Variants in FGF2 observed in about 807,000 individuals in gnomAD.
FGF2 encodes fibroblast growth factor 2, also known as basic fibroblast growth factor bFGF.
In FGF2, 13 loss-of-function variants were observed where a neutral mutation model predicts 15.9. The ratio of observed to expected loss-of-function variants is 0.82; its 90% CI spans 0.53 to 1.30. The LOEUF (loss-of-function observed/expected upper bound fraction) is 1.30. Ranked by LOEUF, FGF2 falls within the 50% of genes most tolerant of loss-of-function variation. The probability of loss-of-function intolerance (pLI) is 0.00; values close to 1 mark genes in which losing one functional copy is unlikely to be tolerated. For missense variants in FGF2, 163 were observed against 196.9 expected, an observed-to-expected ratio of 0.83 and a Z score of 1.03; for synonymous variants, 90 against 78.4, an observed-to-expected ratio of 1.15 and a Z score of -0.78.
chr4:122,887,200 G>C (rs944737696), intron 2 of FGF2, among the ~76,000 whole-genome samples: 3 of 152,122 alleles, frequency 2.0e-5, no homozygotes, highest in Admixed American at 6.5e-5. Context: ...TGTAATCCCA[G>C]CTACTCAGGA....
intron 1 of FGF2, among the ~76,000 whole-genome samples, chr4:122,836,853 G>A (rs1311479375): frequency 6.6e-6 from 1 of 152,158 alleles, no homozygotes; most frequent in Non-Finnish European, 1.5e-5. Flanking sequence ...TCATTTGTTG[G>A]ATCACTTTTT....
chr4:122,844,586 T>TCTTTCTTTCTTTCTTTCTTC (rs1419377686), intron 1 of FGF2, among the ~76,000 whole-genome samples: 3 of 133,782 alleles, frequency 2.2e-5, no homozygotes, highest in African/African-American at 9.9e-5. Flanking sequence ...TTTCTTTCTT[T>TCTTTCTTTCTTTCTTTCTTC]CTTCCTTCCT....
In FGF2 at chr4:122,826,883, A is replaced by C; in HGVS notation, c.-292A>C. 2.0e-6 allele frequency: 3 copies of C among 1,526,300 alleles called. No individual in the cohort carries two copies. The highest frequency in any genetic ancestry group is 2.2e-4 in the Middle Eastern group (1 of 4,586). The allele number at this position is 1,526,300 out of a possible 1,614,324, so 94.5% of individuals were successfully genotyped here. A position where few individuals can be genotyped will look rare whatever the true frequency, so the allele number is the denominator to read the frequency against. The stretch of plus-strand genomic sequence containing the variant: ...GTTGCAACGGGATCCCGGGCGCTGC[A>C]GCTTGGGAGGCGGCTCTCCCCAGGC... On this transcript the variant is annotated 5_prime_UTR_variant, in exon 1 of 3. Transcript: ENST00000644866.
chr4:122,897,615 G>C lies in FGF2; in HGVS notation c.*5219G>C. The C allele has an allele frequency of 2.5e-6, 4 of 1,582,866 alleles. No individual in the cohort carries two copies. Among genetic ancestry groups the C allele is most frequent in the Non-Finnish European group, 3.5e-6 (4 of 1,151,924 alleles). Reference sequence around the variant, plus strand: ...TTTTAAGCCAATTAAAAATATAAAAGATACACACCAATATCTTCTTCAGGC... The same window carrying C: ...TTTTAAGCCAATTAAAAATATAAAACATACACACCAATATCTTCTTCAGGC... On this transcript the variant is annotated 3_prime_UTR_variant, in exon 3 of 3. Coordinates refer to ENST00000644866, the MANE Select transcript of FGF2 (RefSeq NM_001361665.2).
rs1170369068 is a variant in FGF2, at chr4:122,896,691, T to G, written c.*4295T>G. On this transcript the variant is annotated 3_prime_UTR_variant, in exon 3 of 3. Transcript: ENST00000644866. ...TGCAATCCATTTTCTGATGGATTGT[T>G]ACGAGTTGGCTATATAATGTATGTA... The G allele has an allele frequency of 2.6e-5, 4 of 152,216 alleles. No homozygotes were observed. The highest frequency in any genetic ancestry group is 4.4e-5 in the Non-Finnish European group (3 of 68,016). The allele number at this position is 152,216 out of a possible 1,614,324, so 9.4% of individuals were successfully genotyped here.
chr4:122,827,205 G>T lies in FGF2; in HGVS notation c.31G>T (p.Ala11Ser), dbSNP rs769276509. Reference protein sequence around the residue: MAAGSITTLPALPEDGGSGAF... With the variant: MAAGSITTLPSLPEDGGSGAF... ...AGCCGGGAGCATCACCACGCTGCCCGCCTTGCCCGAGGATGGCGGCAGCGG... is the reference window on the plus strand; with the variant it reads ...AGCCGGGAGCATCACCACGCTGCCCTCCTTGCCCGAGGATGGCGGCAGCGG... Residue 11 changes from alanine (A) to serine (S), a missense_variant, in exon 1 of 3, where the codon GCC (alanine) becomes TCC (serine). Physicochemically the swap from Ala to Ser is moderately conservative, Grantham distance 99. Transcript: ENST00000644866. The surrounding 1 kb of genome is among the most constrained non-coding windows in gnomAD (Gnocchi z 4.2). The T allele has an allele frequency of 2.2e-5, 35 of 1,607,378 alleles. No individual in the cohort carries two copies. Among genetic ancestry groups the T allele is most frequent in the Non-Finnish European group, 3.0e-5 (35 of 1,178,114 alleles).
At chr4:122,831,252 G>A (rs1035003169) in intron 1 of FGF2, among the ~76,000 whole-genome samples, 7 of 152,064 alleles carry the variant, frequency 4.6e-5, no homozygotes, top group African/African-American at 7.2e-5. Context: ...GCCTCAGTGC[G>A]CTCTTCATTC....
intron 2 of FGF2, among the ~76,000 whole-genome samples, chr4:122,885,645 CATT>C (rs908927246): frequency 5.6e-4 from 86 of 152,272 alleles, no homozygotes; most frequent in Admixed American, 5.6e-3. Context: ...TAACATCCTA[CATT>C]AGTTTGGTGC....
In FGF2 at chr4:122,893,752, A is replaced by T. The variant is rs2150795225; in HGVS notation, c.*1356A>T. On this transcript the variant is annotated 3_prime_UTR_variant, in exon 3 of 3. Coordinates refer to ENST00000644866, the MANE Select transcript of FGF2 (RefSeq NM_001361665.2). ...TCAATTAAATGCAAATTTGTGTGGC[A>T]GGATTTTTATTGCCATTAACATATT... is the stretch of plus-strand genomic sequence containing the variant. The T allele has an allele frequency of 6.6e-6, 1 of 152,384 alleles. No homozygotes were observed. Among genetic ancestry groups the T allele is most frequent in the African/African-American group, 2.4e-5 (1 of 41,600 alleles). The allele number at this position is 152,384 out of a possible 1,614,324, so 9.4% of individuals were successfully genotyped here.
chr4:122,846,612 G>T (rs1726117469), intron 1 of FGF2, among the ~76,000 whole-genome samples: 1 of 152,180 alleles, frequency 6.6e-6, no homozygotes, highest in Non-Finnish European at 1.5e-5. Context: ...GATCTGAAAA[G>T]GATGTATACC....
intron 2 of FGF2, among the ~76,000 whole-genome samples, chr4:122,890,495 A>C (rs1016210747): frequency 5.3e-5 from 8 of 152,252 alleles, no homozygotes; most frequent in African/African-American, 1.7e-4. Context: ...GTAAATATCC[A>C]GTAAAATTCT....
At chr4:122,826,786 T>TG (rs776164719), upstream of FGF2, 20 of 1,368,500 alleles carry the variant, frequency 1.5e-5, no homozygotes, top group South Asian at 3.3e-5. Flanking sequence ...CTGGTGGGTG[T>TG]GGGGGGTGGA....
In FGF2 at chr4:122,827,403, C is replaced by T. The variant is rs1725665838; in HGVS notation, c.178+51C>T. 1 of 1,588,640 alleles carries T rather than the reference C, an allele frequency of 6.3e-7. No individual in the cohort carries two copies. Among genetic ancestry groups the T allele is most frequent in the Admixed American group, 1.7e-5 (1 of 59,800 alleles). ...CTCATTTCCATTTCGTGGGTTCTCG[C>T]CCGCTCTCTCCCCTCCAGCCTGCAC... On this transcript the variant is annotated intron_variant, in intron 1 of 2. Coordinates refer to ENST00000644866, the MANE Select transcript of FGF2 (RefSeq NM_001361665.2). The surrounding 1 kb of genome is among the most constrained non-coding windows in gnomAD (Gnocchi z 4.2).
chr4:122,845,791 C>T (rs756459535), intron 1 of FGF2, among the ~76,000 whole-genome samples: 8 of 152,208 alleles, frequency 5.3e-5, no homozygotes, highest in Non-Finnish European at 1.2e-4. Context: ...ATCCAGACCA[C>T]TCAAACTTTC....
At chr4:122,855,004 C>T (rs184409443) in intron 1 of FGF2, among the ~76,000 whole-genome samples, 16 of 152,178 alleles carry the variant, frequency 1.1e-4, no homozygotes, top group Non-Finnish European at 1.6e-4. Context: ...ACACACATGC[C>T]GCTCTGTTTT....
intron 1 of FGF2, among the ~76,000 whole-genome samples, chr4:122,842,972 C>T (rs308430): frequency 0.31 from 47,340 of 152,028 alleles, 11,907 homozygotes; most frequent in African/African-American, 0.7. Flanking sequence ...GATTAATTTG[C>T]TATTTTTAAC....
chr4:122,836,303 G>A (rs1401706741), intron 1 of FGF2, among the ~76,000 whole-genome samples: 2 of 152,118 alleles, frequency 1.3e-5, no homozygotes, highest in African/African-American at 2.4e-5. Flanking sequence ...TTCCCTTCAC[G>A]TCTCCTGTCT....
At position 122,854,920 on chromosome 4, in the gene FGF2, A is replaced by G. The variant is rs150762762; in HGVS notation, c.179-21401A>G. Among the ~76,000 whole-genome samples, 653 of 152,176 alleles carry G rather than the reference A, an allele frequency of 4.3e-3. 6 individuals are homozygous for G. Among genetic ancestry groups the G allele is most frequent in the African/African-American group, 0.014 (597 of 41,494 alleles). On this transcript the variant is annotated intron_variant, in intron 1 of 2. Transcript: ENST00000644866. Reference sequence around the variant, plus strand: ...TGGGAGAGTGTATTAAATAACTGGAACACTCTGGGCAGCTTCCCTTCCCCA... The same window carrying G: ...TGGGAGAGTGTATTAAATAACTGGAGCACTCTGGGCAGCTTCCCTTCCCCA...
chr4:122,876,391 G>A lies in FGF2; in HGVS notation c.249G>A (p.Leu83=). ...SIKGVCANRY[L]AMKEDGRLLA... Reference sequence around the variant, plus strand: ...AAGGAGTGTGTGCTAACCGTTACCTGGCTATGAAGGAAGATGGAAGATTAC... The same window carrying A: ...AAGGAGTGTGTGCTAACCGTTACCTAGCTATGAAGGAAGATGGAAGATTAC... Residue 83 remains leucine (L), a synonymous_variant, in exon 2 of 3, where the codon CTG becomes CTA. Transcript: ENST00000644866. The A allele has an allele frequency of 6.2e-7, 1 of 1,612,530 alleles. No individual in the cohort carries two copies. Among genetic ancestry groups the A allele is most frequent in the Admixed American group, 1.7e-5 (1 of 60,002 alleles).
Sources: gnomAD v4.1 joint callset for allele counts (sites outside exome capture counted in the v4.1 genomes callset) on GRCh38, gnomAD v4.1.1 for gene constraint, Gnocchi (gnomAD v3.1) non-coding constraint, MANE v1.5 for transcripts, NCBI Gene and HGNC (gene_info 2026-07-23, HGNC 2026-07-21) for gene names.